The following GARS1 variants were observed in gnomAD, a reference collection of about 807,000 sequenced individuals.
GARS1 encodes glycyl-tRNA synthetase 1.
A neutral mutation model predicts 86.4 loss-of-function variants in GARS1; 46 were observed. The ratio of observed to expected loss-of-function variants is 0.53; its 90% confidence interval spans 0.42 to 0.68. The LOEUF is 0.68. GARS1 is among the 30% of genes least tolerant of loss of function. The pLI is 0.00. For synonymous variants in GARS1, 342 were observed against 329.8 expected (o/e 1.04, Z -0.40); for missense variants, 797 against 915.6 (o/e 0.87, Z 1.67).
chr7:30,622,577 G>A, intron 12 of GARS1, 115 bp downstream of exon 12: 1 of 1,224,444 alleles, frequency 8.2e-7, no homozygotes, highest in South Asian at 1.2e-5. Context: ...ACTGTATCTT[G>A]GCTGCATTTA....
Position 30,595,066 on chromosome 7 carries a change from G to T in GARS1, c.145G>T (p.Ala49Ser). 1 of 1,550,728 alleles carries T rather than the reference G, an allele frequency of 6.4e-7. No homozygotes were observed. Among genetic ancestry groups the T allele is most frequent in the Non-Finnish European group, 8.7e-7 (1 of 1,154,204 alleles). Residue 49 changes from alanine (A) to serine (S), a missense_variant, in exon 1 of 17, where the codon GCC (alanine) becomes TCC (serine). Ala to Ser is a moderately conservative substitution (Grantham distance 99). Around this residue, in one of 2 missense-constraint regions of GARS1, gnomAD observed 199 missense variants for 176.9 expected, o/e 1.12. Transcript: ENST00000389266. ...ASCPPISLPA[A>S]ASRSSMDGAG... The stretch of plus-strand genomic sequence containing the variant: ...CTGCCCCCCGATCTCCTTGCCCGCC[G>T]CCGCCTCCCGGAGCAGCATGGACGG...
chr7:30,621,492 A>G lies in GARS1; in HGVS notation c.1459A>G (p.Lys487Glu). The change falls in exon 11 of 17, where the codon AAA becomes GAA. Residue 487 changes from lysine (K) to glutamate (E), a missense_variant. Physicochemically the swap from Lys to Glu is moderately conservative, Grantham distance 56 (BLOSUM62 1). This residue lies in a region of GARS1 where 598 missense variants were observed against 738.7 expected (regional missense o/e 0.81). Transcript: ENST00000389266. ...CCCACTTGTAGCTGAGAAACCTCTG[A>G]AAGAACCCATATCCTTTCTGGTCAC... is the stretch of plus-strand genomic sequence containing the variant. ...KVPLVAEKPL[K>E]EPKTVNVVQF... is the part of the protein sequence containing the mutation. The G allele has an allele frequency of 6.2e-7, 1 of 1,613,606 alleles. No individual in the cohort carries two copies. Among genetic ancestry groups the G allele is most frequent in the Non-Finnish European group, 8.5e-7 (1 of 1,179,508 alleles).
chr7:30,601,856 G>A (rs1791384437), intron 4 of GARS1, among the ~76,000 whole-genome samples: 1 of 152,032 alleles, frequency 6.6e-6, no homozygotes. Context: ...TCGGCTCACT[G>A]CAAGCTCTGC....
chr7:30,628,413 G>A (rs938272565), intron 13 of GARS1, 147 bp from the exon 14 acceptor site: 69 of 594,672 alleles, frequency 1.2e-4, no homozygotes, highest in Non-Finnish European at 1.8e-4. Context: ...TCGAACTCCT[G>A]ACCTCAGATG....
Position 30,634,020 on chromosome 7 carries a change from G to A in GARS1, c.*160G>A, listed in dbSNP as rs1258540839. On this transcript the variant is annotated 3_prime_UTR_variant, in exon 17 of 17. Coordinates refer to ENST00000389266, the MANE Select transcript of GARS1 (RefSeq NM_002047.4). ...TTTACCCCCACAATTAAAGTTGAAG[G>A]AATCCTGAACAAACTTGTGATCTAT... The A allele has an allele frequency of 1.5e-5, 13 of 876,514 alleles. No individual in the cohort carries two copies. The East Asian group carries it at 3.5e-4, about 24-fold the overall frequency. 54.3% of individuals were successfully genotyped at this position (876,514 alleles called of 1,614,324 possible). A position where few individuals can be genotyped will look rare whatever the true frequency, so the allele number is the denominator to read the frequency against.
At chr7:30,596,857 GAC>G (rs1791260006) in intron 1 of GARS1, among the ~76,000 whole-genome samples, 2 of 152,168 alleles carry the variant, frequency 1.3e-5, no homozygotes, top group South Asian at 4.1e-4. Context: ...GGGGAAATGA[GAC>G]ACACTGTCAC....
Position 30,632,284 on chromosome 7 carries a change from A to G in GARS1, c.1941A>G (p.Val647=). 5 of 1,614,222 alleles carry G rather than the reference A, an allele frequency of 3.1e-6. No homozygotes were observed. The highest frequency in any genetic ancestry group is 4.2e-6 in the Non-Finnish European group (5 of 1,180,038). Residue 647 remains valine, a synonymous_variant, in exon 16 of 17, where the codon GTA becomes GTG. Coordinates refer to ENST00000389266, the MANE Select transcript of GARS1 (RefSeq NM_002047.4). This position sits in a 1 kb window ranked among gnomAD's most constrained non-coding sequence, Gnocchi z 4.1. The part of the protein sequence containing the change: ...ALTRHGVSHK[V]DDSSGSIGRR... ...CCAGGCATGGAGTATCTCACAAAGT[A>G]GACGATTCCTCTGGGTCAATCGGAA...
chr7:30,600,340 A>G (rs1050630762), intron 3 of GARS1, among the ~76,000 whole-genome samples: 12 of 152,190 alleles, frequency 7.9e-5, no homozygotes, highest in Non-Finnish European at 2.9e-5. Flanking sequence ...TTAAAATGCA[A>G]TGGAGACTGA....
chr7:30,631,973 A>T (rs1783242962), intron 15 of GARS1: 4 of 457,594 alleles, frequency 8.7e-6, no homozygotes, highest in Non-Finnish European at 1.6e-5. Context: ...ATAAAAATAG[A>T]GGTGGTGGAG....
intron 9 of GARS1, among the ~76,000 whole-genome samples, 160 bp downstream of exon 9, chr7:30,616,218 A>G (rs1782887240): frequency 6.6e-6 from 1 of 152,212 alleles, no homozygotes; most frequent in South Asian, 2.1e-4. Flanking sequence ...CAGTATTATT[A>G]TAGTAAGAGA....
Position 30,594,907 on chromosome 7 carries a change from C to T in GARS1, c.-15C>T, listed in dbSNP as rs1791206577. ...CCGTCGCCACCCTCTCTGGACAGCC[C>T]AGGGCCGCAGGCTCATGCCCTCTCC... is the stretch of plus-strand genomic sequence containing the variant. On this transcript the variant is annotated 5_prime_UTR_variant, in exon 1 of 17. Coordinates refer to ENST00000389266, the MANE Select transcript of GARS1 (RefSeq NM_002047.4). 6.4e-7 allele frequency: 1 copy of T among 1,550,550 alleles called. No homozygotes were observed. The highest frequency in any genetic ancestry group is 2.4e-5 in the East Asian group (1 of 42,178).
Sources: allele counts gnomAD v4.1 joint callset (sites outside exome capture counted in the v4.1 genomes callset), GRCh38; gene constraint gnomAD v4.1.1; regional missense constraint gnomAD v4.1.1; non-coding constraint Gnocchi (gnomAD v3.1); transcripts MANE v1.5; gene names NCBI Gene and HGNC (gene_info 2026-07-23, HGNC 2026-07-21).